The following INTS8 variants were observed in gnomAD, a reference collection of about 807,000 sequenced individuals.
INTS8 encodes protein kaonashi-1.
INTS8 carries 47 observed loss-of-function variants against 138.9 expected under a neutral mutation model. The ratio of observed to expected loss-of-function variants is 0.34; its 90% CI spans 0.27 to 0.43. INTS8 has a LOEUF of 0.43. INTS8 is among the 20% of genes least tolerant of loss of function. The probability of loss-of-function intolerance (pLI) is 1.00; values close to 1 mark genes in which losing one functional copy is unlikely to be tolerated. For synonymous variants in INTS8, 392 were observed against 400.9 expected, an observed-to-expected ratio of 0.98 and a Z score of 0.27; for missense variants, 996 against 1,173.0, an observed-to-expected ratio of 0.85 and a Z score of 2.20.
At chr8:94,877,146 G>A (rs1439877387) in intron 26 of INTS8, among the ~76,000 whole-genome samples, 1 of 152,180 alleles carries the variant, frequency 6.6e-6, no homozygotes, top group Non-Finnish European at 1.5e-5. Flanking sequence ...GCACATATTA[G>A]GTGCCCCAGA....
At chr8:94,852,041 C>T (rs911521688) in intron 13 of INTS8, among the ~76,000 whole-genome samples, 1 of 152,142 alleles carries the variant, frequency 6.6e-6, no homozygotes, top group Non-Finnish European at 1.5e-5. Flanking sequence ...CTCCCAGATT[C>T]AAGTGATTCT....
At chr8:94,850,736 AG>A (rs1815510762) in intron 12 of INTS8, among the ~76,000 whole-genome samples, 1 of 152,140 alleles carries the variant, frequency 6.6e-6, no homozygotes, top group African/African-American at 2.4e-5. Flanking sequence ...GGGACCAAAA[AG>A]AGGACAGATT....
chr8:94,830,354 G>T (rs1814667187), intron 5 of INTS8, among the ~76,000 whole-genome samples: 1 of 152,200 alleles, frequency 6.6e-6, no homozygotes, highest in Non-Finnish European at 1.5e-5. Flanking sequence ...GAAACGATCT[G>T]TATCTCACTA....
intron 2 of INTS8, 52 bp downstream of exon 2, chr8:94,825,119 G>T (rs1814442168): frequency 7.8e-7 from 1 of 1,277,348 alleles, no homozygotes; most frequent in South Asian, 1.2e-5. Flanking sequence ...AGATATCTTG[G>T]TTTATTTCTA....
intron 16 of INTS8, among the ~76,000 whole-genome samples, chr8:94,862,856 C>T (rs371309961): frequency 6.6e-6 from 1 of 151,568 alleles, no homozygotes; most frequent in African/African-American, 2.4e-5. Context: ...GAATGCACCA[C>T]ACACACACAC....
At chr8:94,876,519 TAC>T (rs770216474) in intron 26 of INTS8, 30 bp downstream of exon 26, 11 of 1,411,706 alleles carry the variant, frequency 7.8e-6, no homozygotes, top group Admixed American at 1.9e-5. Flanking sequence ...TCTTCAGTGG[TAC>T]AGTTTCCAGA....
chr8:94,823,319 T>G lies in INTS8; in HGVS notation c.-113T>G. 3.3e-6 allele frequency: 5 copies of G among 1,519,772 alleles called. No individual in the cohort carries two copies. Among genetic ancestry groups the G allele is most frequent in the Non-Finnish European group, 2.6e-6 (3 of 1,138,172 alleles). The allele number at this position is 1,519,772 out of a possible 1,614,324, so 94.1% of individuals were successfully genotyped here. A position where few individuals can be genotyped will look rare whatever the true frequency, so the allele number is the denominator to read the frequency against. ...TGGATTGTGTGAGTTTCCGGGACGT[T>G]CGGAGGGTGGCCTCTCTCCCACCGG... On this transcript the variant is annotated 5_prime_UTR_variant, in exon 1 of 27. Coordinates refer to ENST00000523731, the MANE Select transcript of INTS8 (RefSeq NM_017864.4).
At chr8:94,831,631 G>C (rs1814719789) in intron 5 of INTS8, among the ~76,000 whole-genome samples, 1 of 151,852 alleles carries the variant, frequency 6.6e-6, no homozygotes, top group Admixed American at 6.6e-5. Context: ...ACAGGCGTCT[G>C]CCCCCATGCC....
At chr8:94,841,930 A>T (rs1815148726) in intron 9 of INTS8, among the ~76,000 whole-genome samples, 1 of 152,086 alleles carries the variant, frequency 6.6e-6, no homozygotes, top group Admixed American at 6.6e-5. Flanking sequence ...TTAGCTGGGC[A>T]TGGTGGTGCA....
chr8:94,835,297 A>G (rs550619309), intron 6 of INTS8, among the ~76,000 whole-genome samples: 2 of 152,332 alleles, frequency 1.3e-5, no homozygotes, highest in South Asian at 4.1e-4. Context: ...AAAATGGCCA[A>G]GTTGAACTAA....
intron 8 of INTS8, among the ~76,000 whole-genome samples, chr8:94,840,457 T>A (rs1375806325): frequency 6.6e-6 from 1 of 152,188 alleles, no homozygotes; most frequent in African/African-American, 2.4e-5. Flanking sequence ...CTGTATGTAA[T>A]AATCTGGGTA....
chr8:94,829,266 C>T (rs1814623810), intron 5 of INTS8, among the ~76,000 whole-genome samples: 1 of 151,738 alleles, frequency 6.6e-6, no homozygotes, highest in African/African-American at 2.4e-5. Context: ...TCCAACTCAC[C>T]ATAATTTAGA....
chr8:94,837,866 A>G (rs775968534), intron 7 of INTS8, among the ~76,000 whole-genome samples: 1 of 151,972 alleles, frequency 6.6e-6, no homozygotes, highest in African/African-American at 2.4e-5. Flanking sequence ...GCATATTCTT[A>G]CCATTTTTTT....
chr8:94,868,131 A>G (rs1394102569), intron 20 of INTS8, among the ~76,000 whole-genome samples: 1 of 152,224 alleles, frequency 6.6e-6, no homozygotes, highest in African/African-American at 2.4e-5. Context: ...CTACCTGAGA[A>G]TCACAGTAAG....
chr8:94,838,045 T>TC, intron 7 of INTS8, among the ~76,000 whole-genome samples: 1 of 91,532 alleles, frequency 1.1e-5, no homozygotes, highest in East Asian at 2.8e-4. Flanking sequence ...TTTTCTTTTC[T>TC]TTTTTTTTTT....
chr8:94,850,611 C>CAA (rs11313192), intron 12 of INTS8, among the ~76,000 whole-genome samples: 21 of 93,202 alleles, frequency 2.3e-4, no homozygotes, highest in South Asian at 3.8e-4. Context: ...GACTCCGACT[C>CAA]AAAAAAAAAA....
rs371608059 is a variant in INTS8 at position 94,856,837 on chromosome 8, C to T, written c.1813C>T (p.Pro605Ser). ...TTTGGAGTTGGTAACAGAGTTCTCA[C>T]CGAAGCTTCGTCAGGTCATGCTGAA... is the stretch of plus-strand genomic sequence containing the variant. ...ACLELVTEFSPKLRQVMLNEM... is the reference protein window; with the variant it reads ...ACLELVTEFSSKLRQVMLNEM... Residue 605 changes from proline to serine, a missense_variant, in exon 15 of 27, where the codon CCG (proline) becomes TCG (serine). Coordinates refer to ENST00000523731, the MANE Select transcript of INTS8 (RefSeq NM_017864.4). 2.5e-6 allele frequency: 4 copies of T among 1,613,994 alleles called. No individual in the cohort carries two copies. In the Admixed American group the frequency reaches 5.0e-5, roughly 20 times the overall value.
At chr8:94,869,810 C>T (rs1208009591) in intron 20 of INTS8, among the ~76,000 whole-genome samples, 1 of 151,944 alleles carries the variant, frequency 6.6e-6, no homozygotes, top group Non-Finnish European at 1.5e-5. Context: ...TGTTTTTTAG[C>T]CTCTGTAGTA....
Position 94,873,672 on chromosome 8 carries a change from C to A in INTS8, c.2637+195C>A. 5.9e-6 allele frequency: 3 copies of A among 508,728 alleles called. No individual in the cohort carries two copies. The South Asian group carries it at 8.3e-5, about 14-fold the overall frequency. 31.5% of individuals were successfully genotyped at this position (508,728 alleles called of 1,614,324 possible). A position where few individuals can be genotyped will look rare whatever the true frequency, so the allele number is the denominator to read the frequency against. ...TATTGCTGTCTTGATTCCCCCAAAA[C>A]ACCTCAAATTCAACTTGTCCAAACT... On this transcript the variant is annotated intron_variant, in intron 22 of 26. Transcript: ENST00000523731.
Sources: allele counts gnomAD v4.1 joint callset (sites outside exome capture counted in the v4.1 genomes callset), GRCh38; gene constraint gnomAD v4.1.1; transcripts MANE v1.5; gene names NCBI Gene and HGNC (gene_info 2026-07-23, HGNC 2026-07-21).